Variants in MCF2L2 observed in about 807,000 individuals in gnomAD.
MCF2L2 encodes MCF.2 cell line derived transforming sequence-like 2.
A neutral mutation model predicts 150.2 loss-of-function variants in MCF2L2; 102 were observed. The observed-to-expected ratio is 0.68, with a 90% CI of 0.58 to 0.80. The LOEUF is 0.80. MCF2L2 is among the 30% of genes least tolerant of loss of function. MCF2L2 has a pLI of 0.00. For synonymous variants in MCF2L2, 465 were observed against 491.3 expected (o/e 0.95, Z 0.71); for missense variants, 1,256 against 1,372.8 (o/e 0.91, Z 1.34).
At chr3:183,318,042 C>T (rs1452113902) in intron 7 of MCF2L2, 26 bp downstream of exon 7, 3 of 1,609,956 alleles carry the variant, frequency 1.9e-6, no homozygotes, top group Admixed American at 1.7e-5. Flanking sequence ...CAGACACTGG[C>T]CTCTGAGAGG....
At position 183,419,200 on chromosome 3, in the gene MCF2L2, A is replaced by C. The variant is rs542453843; in HGVS notation, c.76+8702T>G. 3.3e-5 allele frequency among the ~76,000 whole-genome samples: 5 copies of C among 152,314 alleles called. No homozygotes were observed. In the East Asian group the frequency reaches 7.7e-4, roughly 24 times the overall value. On this transcript the variant is annotated intron_variant, in intron 1 of 29. Transcript: ENST00000328913. ...CCCTTTTAGCCACAGCTACAGCTGG[A>C]GTGGCTGGAACACAGGACACCATGT...
chr3:183,250,087 C>G (rs778498839), intron 15 of MCF2L2, among the ~76,000 whole-genome samples: 3 of 152,228 alleles, frequency 2.0e-5, no homozygotes, highest in Admixed American at 6.5e-5. Flanking sequence ...CAAAATACTA[C>G]TGACTGTTAC....
intron 3 of MCF2L2, among the ~76,000 whole-genome samples, chr3:183,346,216 T>C (rs896297233): frequency 1.3e-5 from 2 of 152,156 alleles, no homozygotes; most frequent in South Asian, 2.1e-4. Flanking sequence ...AAAAAGCTTA[T>C]CCACCACGAT....
intron 13 of MCF2L2, among the ~76,000 whole-genome samples, chr3:183,290,139 TAC>T (rs1447573487): frequency 2.0e-5 from 3 of 152,204 alleles, no homozygotes; most frequent in Admixed American, 2.0e-4. Flanking sequence ...TATATTTCCT[TAC>T]AGTCTTCTTT....
At chr3:183,300,619 G>A (rs1055927459) in intron 10 of MCF2L2, among the ~76,000 whole-genome samples, 5 of 152,158 alleles carry the variant, frequency 3.3e-5, no homozygotes, top group African/African-American at 1.2e-4. Flanking sequence ...AACAAGAAGA[G>A]GGACTGACAC....
In MCF2L2 at chr3:183,323,083, CCTT is replaced by C. The variant is rs1256474885; in HGVS notation, c.603+149_603+151del. 1.8e-5 allele frequency: 10 copies of C among 546,528 alleles called. No homozygotes were observed. The East Asian group carries it at 2.6e-4, about 14-fold the overall frequency. 33.9% of individuals were successfully genotyped at this position (546,528 alleles called of 1,614,324 possible). On this transcript the variant is annotated intron_variant, in intron 6 of 29. Coordinates refer to ENST00000328913, the MANE Select transcript of MCF2L2 (RefSeq NM_015078.4). ...ATCCCAGCCTTCGCCCTTCCACACT[CCTT>C]CTTCCCCACCCTGTGGCTGAGAAAT... is the stretch of plus-strand genomic sequence containing the variant.
chr3:183,233,400 G>A (rs78257970), intron 15 of MCF2L2, among the ~76,000 whole-genome samples: 22 of 122,284 alleles, frequency 1.8e-4, no homozygotes, highest in Non-Finnish European at 2.8e-4. Flanking sequence ...ATAGATATAT[G>A]TGTGTGTGTG....
At chr3:183,335,238 T>C (rs1033127280) in intron 5 of MCF2L2, among the ~76,000 whole-genome samples, 1 of 152,098 alleles carries the variant, frequency 6.6e-6, no homozygotes, top group Non-Finnish European at 1.5e-5. Flanking sequence ...ATCTTCTACA[T>C]ATATCTTGTA....
At chr3:183,278,282 ATTGTGTGTGTG>A (rs1727280326) in intron 14 of MCF2L2, among the ~76,000 whole-genome samples, 1 of 147,948 alleles carries the variant, frequency 6.8e-6, no homozygotes. Context: ...AAATGAAAAA[ATTGTGTGTGTG>A]TGTGTGTGTG....
At chr3:183,276,799 G>T in intron 15 of MCF2L2, 73 bp downstream of exon 15, 1 of 1,017,362 alleles carries the variant, frequency 9.8e-7, no homozygotes, top group Non-Finnish European at 1.5e-6. Flanking sequence ...GTGCTGAGGT[G>T]TAAAAGAGAG....
At chr3:183,244,182 C>G (rs1280885869) in intron 15 of MCF2L2, among the ~76,000 whole-genome samples, 1 of 148,584 alleles carries the variant, frequency 6.7e-6, no homozygotes, top group Non-Finnish European at 1.5e-5. Flanking sequence ...CCTCTAGAAC[C>G]ATTCCCAGTA....
At chr3:183,269,246 T>TTTTTTTTTTTTTTTTTTTTTTTTTTTTA (rs1726485512) in intron 15 of MCF2L2, among the ~76,000 whole-genome samples, 1 of 149,464 alleles carries the variant, frequency 6.7e-6, no homozygotes, top group African/African-American at 2.5e-5. Context: ...TTTTTTTTTT[T>TTTTTTTTTTTTTTTTTTTTTTTTTTTTA]TTAAGAGTAG....
chr3:183,421,221 G>T (rs1715867390), intron 1 of MCF2L2, among the ~76,000 whole-genome samples: 1 of 151,934 alleles, frequency 6.6e-6, no homozygotes, highest in Non-Finnish European at 1.5e-5. Flanking sequence ...CATCAATCTG[G>T]GGAATTTTTT....
chr3:183,286,718 G>T (rs1727816693), intron 14 of MCF2L2, among the ~76,000 whole-genome samples: 1 of 152,148 alleles, frequency 6.6e-6, no homozygotes, highest in South Asian at 2.1e-4. Flanking sequence ...TGCTCATGTT[G>T]TTCATGACTT....
chr3:183,326,135 GA>G (rs61603366), intron 5 of MCF2L2, among the ~76,000 whole-genome samples: 35,114 of 150,638 alleles, frequency 0.23, 4,626 homozygotes, highest in African/African-American at 0.35. Context: ...AGATCAATGG[GA>G]AAAAAAAAGC....
In MCF2L2 at chr3:183,258,024, A is replaced by G. The variant is rs560943138; in HGVS notation, c.1862+18848T>C. 3.5e-3 allele frequency among the ~76,000 whole-genome samples: 456 copies of G among 129,064 alleles called. 2 individuals carry two copies. The highest frequency in any genetic ancestry group is 4.9e-3 in the Non-Finnish European group (317 of 65,272). 84.7% of individuals were successfully genotyped at this position (129,064 alleles called of 152,430 possible). A position where few individuals can be genotyped will look rare whatever the true frequency, so the allele number is the denominator to read the frequency against. Reference sequence around the variant, plus strand: ...GCTCTGTTGCCCAGGCTGGAGTGCAATGGTGCCATCTCGGCTCACCGCAAC... The same window carrying G: ...GCTCTGTTGCCCAGGCTGGAGTGCAGTGGTGCCATCTCGGCTCACCGCAAC... On this transcript the variant is annotated intron_variant, in intron 15 of 29. Coordinates refer to ENST00000328913, the MANE Select transcript of MCF2L2 (RefSeq NM_015078.4).
chr3:183,182,716 A>G (rs1362611772), intron 27 of MCF2L2: 1 of 152,226 alleles, frequency 6.6e-6, no homozygotes, highest in Non-Finnish European at 1.5e-5. Flanking sequence ...ACAGTAACCT[A>G]TTCACCAGGT....
intron 10 of MCF2L2, among the ~76,000 whole-genome samples, chr3:183,304,568 C>T (rs2108502803): frequency 6.8e-6 from 1 of 147,656 alleles, no homozygotes; most frequent in Middle Eastern, 3.6e-3. Flanking sequence ...GGGGTTCAAG[C>T]GATTCTCCTC....
chr3:183,326,665 A>C (rs1730055186), intron 5 of MCF2L2, among the ~76,000 whole-genome samples: 1 of 152,140 alleles, frequency 6.6e-6, no homozygotes, highest in African/African-American at 2.4e-5. Context: ...CATCTTACAT[A>C]ATTACAGTAC....
Sources: gnomAD v4.1 joint callset for allele counts (sites outside exome capture counted in the v4.1 genomes callset) on GRCh38, gnomAD v4.1.1 for gene constraint, MANE v1.5 for transcripts, NCBI Gene and HGNC (gene_info 2026-07-23, HGNC 2026-07-21) for gene names.